Variants in EYS observed in about 807,000 individuals in gnomAD.
The protein encoded by EYS is EGF-like photoreceptor maintenance factor, also known as protein eyes shut homolog.
EYS carries 250 observed loss-of-function variants against 282.1 expected under a neutral mutation model. That is an observed-to-expected ratio of 0.89 (90% CI 0.80 to 0.98). The LOEUF is 0.98. Ranked by LOEUF, EYS falls within the 50% of genes least tolerant of loss-of-function variation. EYS has a pLI of 0.00. For synonymous variants in EYS, 1,355 were observed against 1,282.9 expected (o/e 1.06, Z -1.20); for missense variants, 4,016 against 3,709.0 (o/e 1.08, Z -2.15).
intron 41 of EYS, among the ~76,000 whole-genome samples, chr6:63,737,034 CAG>C (rs1452235210): frequency 1.3e-5 from 2 of 151,554 alleles, no homozygotes; most frequent in Admixed American, 6.6e-5. Flanking sequence ...CATCTGCAAA[CAG>C]GGACAATTTG....
chr6:64,876,376 A>C (rs185077743), intron 19 of EYS, among the ~76,000 whole-genome samples: 1 of 152,248 alleles, frequency 6.6e-6, no homozygotes, highest in African/African-American at 2.4e-5. Flanking sequence ...CTTTATGAAA[A>C]ACTATAATCA....
chr6:64,957,775 T>A (rs1168128672), intron 14 of EYS, among the ~76,000 whole-genome samples: 1 of 152,022 alleles, frequency 6.6e-6, no homozygotes, highest in African/African-American at 2.4e-5. Context: ...ACCTCCTTCA[T>A]CAAAAAAAAT....
intron 33 of EYS, among the ~76,000 whole-genome samples, chr6:64,021,952 T>C (rs974403025): frequency 1.3e-5 from 2 of 152,248 alleles, no homozygotes; most frequent in African/African-American, 2.4e-5. Flanking sequence ...ATTATTTCTT[T>C]TTAAGATAGC....
At chr6:65,618,966 T>C (rs1766346045) in intron 2 of EYS, among the ~76,000 whole-genome samples, 1 of 152,200 alleles carries the variant, frequency 6.6e-6, no homozygotes, top group Non-Finnish European at 1.5e-5. Flanking sequence ...TCTTGTAGTA[T>C]AGTTTGAAGT....
chr6:65,619,547 C>A (rs918841085), intron 2 of EYS, among the ~76,000 whole-genome samples: 70 of 152,282 alleles, frequency 4.6e-4, no homozygotes, highest in African/African-American at 1.7e-3. Context: ...CCCTTTATTT[C>A]CTTCCACTGC....
chr6:64,259,416 A>C (rs2150352175), intron 30 of EYS, among the ~76,000 whole-genome samples: 1 of 152,110 alleles, frequency 6.6e-6, no homozygotes, highest in African/African-American at 2.4e-5. Context: ...CTGCCTCTTG[A>C]GATGTAAATG....
chr6:65,543,159 T>C (rs980618536), intron 2 of EYS, among the ~76,000 whole-genome samples: 11 of 151,894 alleles, frequency 7.2e-5, no homozygotes, highest in Admixed American at 4.6e-4. Context: ...GCTGGGATTA[T>C]AGGCACTTGC....
intron 2 of EYS, among the ~76,000 whole-genome samples, chr6:65,579,880 G>C (rs1394502138): frequency 1.3e-5 from 2 of 152,052 alleles, no homozygotes; most frequent in Non-Finnish European, 2.9e-5. Context: ...AAAAGGGAAG[G>C]AGACGTTTCT....
chr6:63,786,551 G>A (rs928229495), intron 39 of EYS, among the ~76,000 whole-genome samples: 3 of 151,960 alleles, frequency 2.0e-5, no homozygotes, highest in Non-Finnish European at 4.4e-5. Context: ...GGGGGCAAGG[G>A]GAGGGAGAGC....
intron 14 of EYS, among the ~76,000 whole-genome samples, chr6:64,958,316 C>T (rs954051866): frequency 1.3e-5 from 2 of 151,862 alleles, no homozygotes; most frequent in Non-Finnish European, 1.5e-5. Context: ...CGGGAGGCAG[C>T]GGTTGCAGTG....
At chr6:64,793,693 T>A (rs1334272401) in intron 22 of EYS, among the ~76,000 whole-genome samples, 1 of 152,208 alleles carries the variant, frequency 6.6e-6, no homozygotes, top group Admixed American at 6.5e-5. Context: ...ATAGTTGATG[T>A]CCAAGGACTA....
chr6:64,645,551 G>A (rs62417974), intron 22 of EYS, among the ~76,000 whole-genome samples: 16,888 of 152,212 alleles, frequency 0.11, 1,111 homozygotes, highest in East Asian at 0.16. Context: ...AGATGAGTAA[G>A]ATCACTGAGA....
chr6:65,262,658 C>T (rs1767650686), intron 12 of EYS, among the ~76,000 whole-genome samples: 1 of 151,904 alleles, frequency 6.6e-6, no homozygotes, highest in South Asian at 2.1e-4. Context: ...ACAATAAGAA[C>T]AACAATAACA....
At chr6:64,622,374 A>G (rs547049499) in intron 23 of EYS, among the ~76,000 whole-genome samples, 4 of 149,364 alleles carry the variant, frequency 2.7e-5, no homozygotes, top group East Asian at 4.0e-4. Flanking sequence ...TTATGATACA[A>G]ACTCTCTACT....
At chr6:64,972,335 A>G (rs1399553471) in intron 14 of EYS, among the ~76,000 whole-genome samples, 2 of 152,200 alleles carry the variant, frequency 1.3e-5, no homozygotes, top group African/African-American at 4.8e-5. Flanking sequence ...GGTACTGTAC[A>G]GAAACATTCC....
intron 30 of EYS, among the ~76,000 whole-genome samples, chr6:64,238,828 G>A (rs1417006740): frequency 6.6e-6 from 1 of 151,984 alleles, no homozygotes; most frequent in African/African-American, 2.4e-5. Flanking sequence ...AGGTATATAC[G>A]TGCCATGGTG....
intron 8 of EYS, among the ~76,000 whole-genome samples, chr6:65,356,558 T>C (rs953452366): frequency 6.6e-6 from 1 of 151,930 alleles, no homozygotes; most frequent in Non-Finnish European, 1.5e-5. Context: ...CTTTTCTTAA[T>C]GAAAAAAACA....
intron 28 of EYS, among the ~76,000 whole-genome samples, chr6:64,427,199 C>T (rs975671286): frequency 9.9e-5 from 15 of 152,018 alleles, no homozygotes; most frequent in Non-Finnish European, 1.5e-5. Flanking sequence ...TCAGTGGTTC[C>T]TAGAAGTATT....
intron 19 of EYS, among the ~76,000 whole-genome samples, chr6:64,865,546 T>A (rs960110838): frequency 6.6e-6 from 1 of 152,148 alleles, no homozygotes; most frequent in African/African-American, 2.4e-5. Context: ...AATGCATATA[T>A]TGAAAAAGTT....
Sources: gnomAD v4.1 joint callset for allele counts (sites outside exome capture counted in the v4.1 genomes callset) on GRCh38, gnomAD v4.1.1 for gene constraint, MANE v1.5 for transcripts, NCBI Gene and HGNC (gene_info 2026-07-23, HGNC 2026-07-21) for gene names.